Variants in ATN1 observed in about 807,000 individuals in gnomAD.
ATN1 encodes the protein atrophin-1.
Under a neutral mutation model 85.8 loss-of-function variants are expected in ATN1, and 19 were observed. The observed-to-expected ratio is 0.22, with a 90% CI of 0.15 to 0.32. The LOEUF (loss-of-function observed/expected upper bound fraction) is 0.32. Among genes scored for constraint, ATN1 ranks in the 10% least tolerant of loss-of-function variants. The pLI, the probability that ATN1 is intolerant of heterozygous loss-of-function variation, is 1.00. For synonymous variants in ATN1, 674 were observed against 657.0 expected (o/e 1.03, Z -0.39); for missense variants, 1,453 against 1,564.5 (o/e 0.93, Z 1.20).
chr12:6,936,354 T>C lies in ATN1; in HGVS notation c.1087T>C (p.Ser363Pro), dbSNP rs144583520. Residue 363 changes from serine to proline, a missense_variant, in exon 5 of 10, where the codon TCC (serine) becomes CCC (proline). By Grantham distance (74) the Ser-to-Pro change is moderately conservative. Coordinates refer to ENST00000396684, the MANE Select transcript of ATN1 (RefSeq NM_001940.4). ...TTCACCCCACTCTCTGCCTCCTGCT[T>C]CCTCTTCTGCTCCAGCGCCCCCCAT... ...APSPHSLPPA[S>P]SSAPAPPMRF... 1.5e-5 allele frequency: 25 copies of C among 1,613,782 alleles called. No individual in the cohort carries two copies. The highest frequency in any genetic ancestry group is 3.3e-4 in the Middle Eastern group (2 of 6,082).
In ATN1 at chr12:6,937,185, G is replaced by A. The variant is rs782212323; in HGVS notation, c.1918G>A (p.Gly640Arg). The A allele has an allele frequency of 6.8e-6, 11 of 1,611,140 alleles. 1 individual carries two copies. The highest frequency in any genetic ancestry group is 4.5e-5 in the East Asian group (2 of 44,866). Residue 640 changes from glycine to arginine, a missense_variant, in exon 5 of 10, where the codon GGA becomes AGA. Physicochemically the swap from Gly to Arg is moderately radical, Grantham distance 125. Around this residue, in one of 6 missense-constraint regions of ATN1, gnomAD observed 990 missense variants for 914.8 expected, o/e 1.08. Coordinates refer to ENST00000396684, the MANE Select transcript of ATN1 (RefSeq NM_001940.4). The surrounding 1 kb of genome is among the most constrained non-coding windows in gnomAD (Gnocchi z 6.0). ...TASPPGPPPY[G>R]KRAPSPGAYK... Reference sequence around the variant, plus strand: ...CTCCCCACCTGGGCCCCCACCGTACGGAAAGAGAGCCCCGTCCCCGGGGGC... The same window carrying A: ...CTCCCCACCTGGGCCCCCACCGTACAGAAAGAGAGCCCCGTCCCCGGGGGC...
upstream of ATN1, among the ~76,000 whole-genome samples, chr12:6,926,349 G>A (rs1246116121): frequency 6.6e-6 from 1 of 152,086 alleles, no homozygotes; most frequent in East Asian, 1.9e-4. Flanking sequence ...CTAGATGGAA[G>A]GCCTGAGGAT....
Position 6,937,081 on chromosome 12 carries a change from C to T in ATN1, c.1814C>T (p.Pro605Leu), listed in dbSNP as rs962539751. Residue 605 changes from proline (P) to leucine (L), a missense_variant, in exon 5 of 10, where the codon CCT becomes CTT. This residue lies in a region of ATN1 where 990 missense variants were observed against 914.8 expected (regional missense o/e 1.08). Coordinates refer to ENST00000396684, the MANE Select transcript of ATN1 (RefSeq NM_001940.4). The surrounding 1 kb of genome is among the most constrained non-coding windows in gnomAD (Gnocchi z 6.0). The part of the protein sequence containing the change: ...QGAPYPFPPV[P>L]TVTTSSATLS... ...GCGCCCTACCCTTTCCCACCGGTGCCTACGGTCACCACCTCTTCGGCTACC... is the reference window on the plus strand; with the variant it reads ...GCGCCCTACCCTTTCCCACCGGTGCTTACGGTCACCACCTCTTCGGCTACC... 6.2e-7 allele frequency: 1 copy of T among 1,613,156 alleles called. No individual in the cohort carries two copies. The highest frequency in any genetic ancestry group is 8.5e-7 in the Non-Finnish European group (1 of 1,180,020).
Position 6,938,679 on chromosome 12 carries a change from G to C in ATN1, c.2716G>C (p.Val906Leu), listed in dbSNP as rs141006210. The C allele has an allele frequency of 1.2e-6, 2 of 1,614,130 alleles. No individual in the cohort carries two copies. The highest frequency in any genetic ancestry group is 1.7e-5 in the Admixed American group (1 of 60,030). Residue 906 changes from valine to leucine, a missense_variant, in exon 7 of 10, where the codon GTG becomes CTG. By Grantham distance (32) the Val-to-Leu change is conservative. Coordinates refer to ENST00000396684, the MANE Select transcript of ATN1 (RefSeq NM_001940.4). ...SPGNRNHPFY[V>L]PLGAVDPGLL... ...TGGCAATCGCAACCATCCATTCTAC[G>C]TGCCCCTGGGGGCAGTGGACCCGGG...
chr12:6,924,667 T>G (rs1241346893), upstream of ATN1: 1 of 152,454 alleles, frequency 6.6e-6, no homozygotes, highest in African/African-American at 2.4e-5. Context: ...CCATTTTCAG[T>G]TCAAAGAGCC....
chr12:6,931,352 A>G (rs1555143018), intron 1 of ATN1, among the ~76,000 whole-genome samples: 1 of 136,536 alleles, frequency 7.3e-6, no homozygotes, highest in Admixed American at 7.5e-5. Flanking sequence ...TTTGGTTGAT[A>G]GTATTTTAAA....
intron 7 of ATN1, among the ~76,000 whole-genome samples, chr12:6,939,926 C>T (rs781806342): frequency 6.6e-6 from 1 of 152,224 alleles, no homozygotes; most frequent in Non-Finnish European, 1.5e-5. Context: ...TAGAAAGGGC[C>T]CTGTAGCTTT....
intron 6 of ATN1, 63 bp downstream of exon 6, chr12:6,938,130 GCGCTGCGCTACGCTA>G: frequency 6.7e-7 from 1 of 1,482,498 alleles, no homozygotes; most frequent in African/African-American, 1.4e-5. Context: ...CCTCTGCGCT[GCGCTGCGCTACGCTA>G]CGCTGCGGGG....
Position 6,936,062 on chromosome 12 carries a change from TG to T in ATN1, c.799del (p.Ala267LeufsTer31). On this transcript the variant is annotated frameshift_variant, in exon 5 of 10. Transcript: ENST00000396684. LOFTEE classifies it high-confidence loss of function. ...CTACTCCCATTTCAGTATCAAGCTC[TG>T]GGGCTAGTGGTGCTCCCCCAACAAA... ...PTTPISVSSS[G>X]ASGAPPTKPP... 6.5e-7 allele frequency: 1 copy of T among 1,544,758 alleles called. No homozygotes were observed. Among genetic ancestry groups the T allele is most frequent in the Non-Finnish European group, 8.7e-7 (1 of 1,146,508 alleles).
At position 6,935,764 on chromosome 12, in the gene ATN1, C is replaced by T. The variant is rs782640609; in HGVS notation, c.497C>T (p.Pro166Leu). 1.4e-5 allele frequency: 22 copies of T among 1,613,784 alleles called. No individual in the cohort carries two copies. Among genetic ancestry groups the T allele is most frequent in the Non-Finnish European group, 1.9e-5 (22 of 1,179,872 alleles). The stretch of plus-strand genomic sequence containing the variant: ...CCCTACCACCCACCTCCACTCTTTC[C>T]TCCTTCCCCTCAACCGCCAGACAGC... ...ARPYHPPPLFPPSPQPPDSTP... is the reference protein window; with the variant it reads ...ARPYHPPPLFLPSPQPPDSTP... The change falls in exon 5 of 10, where the codon CCT (proline) becomes CTT (leucine). Residue 166 changes from proline (P) to leucine (L), a missense_variant. Transcript: ENST00000396684. This position sits in a 1 kb window ranked among gnomAD's most constrained non-coding sequence, Gnocchi z 5.3.
rs781985905 is a variant in ATN1 at position 6,931,409 on chromosome 12, GAAAAAAA to G, written c.-162-2415_-162-2409del. On this transcript the variant is annotated intron_variant, in intron 1 of 9. Transcript: ENST00000396684. The stretch of plus-strand genomic sequence containing the variant: ...AAAATGTGGGAAAATAGCTGTAGTT[GAAAAAAA>G]AAAAAAAAAAAAAAAGGCCGGGCAT... 1.3e-4 allele frequency among the ~76,000 whole-genome samples: 7 copies of G among 53,548 alleles called. No homozygotes were observed. The East Asian group carries it at 3.9e-3, about 30-fold the overall frequency. The allele number at this position is 53,548 out of a possible 152,430, so 35.1% of individuals were successfully genotyped here. A position where few individuals can be genotyped will look rare whatever the true frequency, so the allele number is the denominator to read the frequency against.
intron 1 of ATN1, among the ~76,000 whole-genome samples, chr12:6,930,133 G>A (rs769486756): frequency 6.6e-6 from 1 of 152,306 alleles, no homozygotes; most frequent in South Asian, 2.1e-4. Flanking sequence ...ACTTCTCTTT[G>A]AGCCTGGGCT....
At chr12:6,927,813 G>T (rs1338476387), upstream of ATN1, among the ~76,000 whole-genome samples, 19 of 150,344 alleles carry the variant, frequency 1.3e-4, no homozygotes, top group Admixed American at 2.6e-4. Context: ...TTTCCTGTGC[G>T]AGTCGCCGGA....
At position 6,937,114 on chromosome 12, in the gene ATN1, C is replaced by T. The variant is rs1945553488; in HGVS notation, c.1847C>T (p.Thr616Met). 1.9e-6 allele frequency: 3 copies of T among 1,611,730 alleles called. No individual in the cohort carries two copies. The highest frequency in any genetic ancestry group is 2.2e-5 in the East Asian group (1 of 44,864). ...ACCACCTCTTCGGCTACCCTTTCCA[C>T]GGTCATTGCCACCGTGGCTTCCTCG... is the stretch of plus-strand genomic sequence containing the variant. ...TVTTSSATLSTVIATVASSPA... is the reference protein window; with the variant it reads ...TVTTSSATLSMVIATVASSPA... Residue 616 changes from threonine to methionine, a missense_variant, in exon 5 of 10, where the codon ACG (threonine) becomes ATG (methionine). Physicochemically the swap from Thr to Met is moderately conservative, Grantham distance 81 (BLOSUM62 -1). This residue lies in a region of ATN1 where 990 missense variants were observed against 914.8 expected (regional missense o/e 1.08). Transcript: ENST00000396684. The surrounding 1 kb of genome is among the most constrained non-coding windows in gnomAD (Gnocchi z 6.0).
In ATN1 at chr12:6,935,439, A is replaced by T; in HGVS notation, c.280-108A>T. Reference sequence around the variant, plus strand: ...CTTGAGCAAGAGTACTCACCACATCACAGTACAACAGTGTGCTGTGAGGGG... The same window carrying T: ...CTTGAGCAAGAGTACTCACCACATCTCAGTACAACAGTGTGCTGTGAGGGG... On this transcript the variant is annotated intron_variant, in intron 4 of 9. Transcript: ENST00000396684. The surrounding 1 kb of genome is among the most constrained non-coding windows in gnomAD (Gnocchi z 5.3). 7.9e-7 allele frequency: 1 copy of T among 1,266,102 alleles called. No individual in the cohort carries two copies. The highest frequency in any genetic ancestry group is 1.1e-6 in the Non-Finnish European group (1 of 928,030). The allele number at this position is 1,266,102 out of a possible 1,614,324, so 78.4% of individuals were successfully genotyped here.
rs782165640 is a variant in ATN1 at position 6,936,243 on chromosome 12, C to T, written c.976C>T (p.Pro326Ser). ...CCCTGGCCTGGGGGCCCAACCACTA[C>T]CTGGTCATCTGCCCTCTCCCCACGC... The part of the protein sequence containing the change: ...SPPGLGAQPL[P>S]GHLPSPHAMG... Residue 326 changes from proline to serine, a missense_variant, in exon 5 of 10, where the codon CCT becomes TCT. Physicochemically the swap from Pro to Ser is moderately conservative, Grantham distance 74. Transcript: ENST00000396684. 4.4e-6 allele frequency: 7 copies of T among 1,608,116 alleles called. No homozygotes were observed. The highest frequency in any genetic ancestry group is 6.0e-6 in the Non-Finnish European group (7 of 1,176,346).
Position 6,941,725 on chromosome 12 carries a change from C to T in ATN1, c.3540-22C>T. ...TGGTCTCAAGTCTCTTACCTCTCTG[C>T]TATGCACTGCCCCTTCCCTAGTCAC... is the stretch of plus-strand genomic sequence containing the variant. On this transcript the variant is annotated intron_variant, in intron 9 of 9. Transcript: ENST00000396684. This position sits in a 1 kb window ranked among gnomAD's most constrained non-coding sequence, Gnocchi z 5.9. The T allele has an allele frequency of 6.2e-7, 1 of 1,613,450 alleles. No homozygotes were observed. The highest frequency in any genetic ancestry group is 8.5e-7 in the Non-Finnish European group (1 of 1,179,402).
rs782429745 is a variant in ATN1, at chr12:6,937,030, C to T, written c.1763C>T (p.Pro588Leu). The change falls in exon 5 of 10, where the codon CCC becomes CTC. Residue 588 changes from proline (P) to leucine (L), a missense_variant. Pro to Leu is a moderately conservative substitution (Grantham distance 98). Around this residue, in one of 6 missense-constraint regions of ATN1, gnomAD observed 990 missense variants for 914.8 expected, o/e 1.08. Transcript: ENST00000396684. The surrounding 1 kb of genome is among the most constrained non-coding windows in gnomAD (Gnocchi z 6.0). ...CAAGGGTCCTACCCATGTTCACACC[C>T]CTCCCCTTCCCAGGGCCCTCAAGGG... is the stretch of plus-strand genomic sequence containing the variant. ...TSQGSYPCSHPSPSQGPQGAP... is the reference protein window; with the variant it reads ...TSQGSYPCSHLSPSQGPQGAP... 1.2e-6 allele frequency: 2 copies of T among 1,613,860 alleles called. No homozygotes were observed. The highest frequency in any genetic ancestry group is 2.2e-5 in the East Asian group (1 of 44,884).
At chr12:6,939,206 C>A in intron 7 of ATN1, 29 bp downstream of exon 7, 1 of 1,563,928 alleles carries the variant, frequency 6.4e-7, no homozygotes. Context: ...TGCCCTGGCC[C>A]TTTGGGGCCA....
Sources: gnomAD v4.1 joint callset for allele counts (sites outside exome capture counted in the v4.1 genomes callset) on GRCh38, gnomAD v4.1.1 for gene constraint, gnomAD v4.1.1 regional missense constraint, Gnocchi (gnomAD v3.1) non-coding constraint, MANE v1.5 for transcripts, NCBI Gene and HGNC (gene_info 2026-07-23, HGNC 2026-07-21) for gene names.